Variants in ADAM10 observed in about 807,000 individuals in gnomAD.
ADAM10 encodes disintegrin and metalloproteinase domain-containing protein 10.
Under a neutral mutation model 90.1 loss-of-function variants are expected in ADAM10, and 17 were observed. That is an observed-to-expected ratio of 0.19 (90% CI 0.13 to 0.28). ADAM10 has a LOEUF of 0.28. Among genes scored for constraint, ADAM10 ranks in the 10% least tolerant of loss-of-function variants. The pLI, the probability that ADAM10 is intolerant of heterozygous loss-of-function variation, is 1.00. For synonymous variants in ADAM10, 310 were observed against 298.6 expected (o/e 1.04, Z -0.40); for missense variants, 610 against 914.3 (o/e 0.67, Z 4.29).
intron 4 of ADAM10, among the ~76,000 whole-genome samples, chr15:58,667,866 C>T (rs945272839): frequency 8.6e-5 from 13 of 151,826 alleles, no homozygotes; most frequent in African/African-American, 2.7e-4. Flanking sequence ...CTCCCGGGTA[C>T]CAATTCTCAT....
rs189512518 is a variant in ADAM10 at position 58,594,708 on chromosome 15, G to C, written c.*2839C>G. The C allele has an allele frequency of 6.6e-6, 1 of 151,938 alleles. No individual in the cohort carries two copies. The highest frequency in any genetic ancestry group is 6.6e-5 in the Admixed American group (1 of 15,244). The allele number at this position is 151,938 out of a possible 1,614,324, so 9.4% of individuals were successfully genotyped here. A position where few individuals can be genotyped will look rare whatever the true frequency, so the allele number is the denominator to read the frequency against. ...AGGGAGGGATGGAGGGAGAGAGGAC[G>C]GACTGTAAACAGAATTTAAGCATTC... On this transcript the variant is annotated 3_prime_UTR_variant, in exon 16 of 16. Transcript: ENST00000260408.
chr15:58,622,721 A>G (rs1895823207), intron 10 of ADAM10, among the ~76,000 whole-genome samples: 1 of 152,244 alleles, frequency 6.6e-6, no homozygotes, highest in African/African-American at 2.4e-5. Flanking sequence ...ATAATTTTAG[A>G]AAATTTCTTC....
intron 2 of ADAM10, chr15:58,686,623 C>CT (rs1392170276): frequency 2.3e-6 from 2 of 881,936 alleles, no homozygotes; most frequent in Non-Finnish European, 1.9e-6. Context: ...TCTGAAGACT[C>CT]TAAGAGAGAA....
chr15:58,599,330 A>C (rs1358222511), intron 15 of ADAM10, among the ~76,000 whole-genome samples: 1 of 151,988 alleles, frequency 6.6e-6, no homozygotes, highest in African/African-American at 2.4e-5. Context: ...AAAAAAAAAA[A>C]ACAAGAAAAC....
intron 7 of ADAM10, 91 bp from the exon 8 acceptor site, chr15:58,641,051 C>T: frequency 8.3e-7 from 1 of 1,205,562 alleles, no homozygotes; most frequent in Non-Finnish European, 1.2e-6. Context: ...TACACCTGGA[C>T]AATATGCTCC....
chr15:58,688,766 T>TA (rs1555418241), intron 2 of ADAM10, among the ~76,000 whole-genome samples: 10 of 121,894 alleles, frequency 8.2e-5, no homozygotes, highest in Non-Finnish European at 1.3e-4. Context: ...AAAAAAAAAA[T>TA]TATATATATA....
At position 58,739,623 on chromosome 15, in the gene ADAM10, T is replaced by A. The variant is rs1398594253; in HGVS notation, c.55+9857A>T. Among the ~76,000 whole-genome samples, 2 of 152,252 alleles carry A rather than the reference T, an allele frequency of 1.3e-5. 1 individual carries two copies. The highest frequency in any genetic ancestry group is 1.3e-4 in the Admixed American group (2 of 15,292). On this transcript the variant is annotated intron_variant, in intron 1 of 15. Coordinates refer to ENST00000260408, the MANE Select transcript of ADAM10 (RefSeq NM_001110.4). The stretch of plus-strand genomic sequence containing the variant: ...TGATTTCCGAACCAATTTATAAGCA[T>A]CAGTGCCAATCCATCTCCAAAGCTG...
chr15:58,684,326 T>G (rs1292932324), intron 2 of ADAM10, among the ~76,000 whole-genome samples: 1 of 152,204 alleles, frequency 6.6e-6, no homozygotes, highest in African/African-American at 2.4e-5. Flanking sequence ...TCATTCATAA[T>G]GAGTCTGTTT....
At position 58,597,587 on chromosome 15, in the gene ADAM10, C is replaced by G. The variant is rs1296591988; in HGVS notation, c.2207G>C (p.Arg736Pro). 2 of 1,613,904 alleles carry G rather than the reference C, an allele frequency of 1.2e-6. 1 individual carries two copies. Among genetic ancestry groups the G allele is most frequent in the Admixed American group, 3.3e-5 (2 of 59,982 alleles). Residue 736 changes from arginine to proline, a missense_variant, in exon 16 of 16, where the codon CGG (arginine) becomes CCG (proline). Arg to Pro is a moderately radical substitution (Grantham distance 103). Coordinates refer to ENST00000260408, the MANE Select transcript of ADAM10 (RefSeq NM_001110.4). The part of the protein sequence containing the change: ...PQPIQQPQRQ[R>P]PRESYQMGHM... ...TCCCATTTGATAACTCTCTCGGGGC[C>G]GCTGACGCTGGGGTTGCTGAATGGG...
At chr15:58,682,029 T>C (rs1248088317) in intron 3 of ADAM10, among the ~76,000 whole-genome samples, 167 bp downstream of exon 3, 3 of 152,156 alleles carry the variant, frequency 2.0e-5, no homozygotes, top group Non-Finnish European at 2.9e-5. Flanking sequence ...CATGTAAAGA[T>C]AGGTCCAAAC....
At chr15:58,602,556 A>C (rs182839534) in intron 14 of ADAM10, among the ~76,000 whole-genome samples, 1 of 152,316 alleles carries the variant, frequency 6.6e-6, no homozygotes, top group East Asian at 1.9e-4. Context: ...GGCTTTAGGA[A>C]TTAACTGCTT....
Position 58,633,430 on chromosome 15 carries a change from A to G in ADAM10, c.1013-71T>C, listed in dbSNP as rs1896156135. 2.4e-6 allele frequency: 3 copies of G among 1,265,890 alleles called. No homozygotes were observed. The African/African-American group carries it at 4.5e-5, about 19-fold the overall frequency. 78.4% of individuals were successfully genotyped at this position (1,265,890 alleles called of 1,614,324 possible). A position where few individuals can be genotyped will look rare whatever the true frequency, so the allele number is the denominator to read the frequency against. ...TACCCCCAAAAAGGTAATACATGCTATATTAAATGAAAACATTTTATATTT... is the reference window on the plus strand; with the variant it reads ...TACCCCCAAAAAGGTAATACATGCTGTATTAAATGAAAACATTTTATATTT... On this transcript the variant is annotated intron_variant, in intron 8 of 15. Transcript: ENST00000260408.
In ADAM10 at chr15:58,594,176, G is replaced by A. The variant is rs1196684294; in HGVS notation, c.*3371C>T. On this transcript the variant is annotated 3_prime_UTR_variant, in exon 16 of 16. Coordinates refer to ENST00000260408, the MANE Select transcript of ADAM10 (RefSeq NM_001110.4). ...TAAAACTACATCTGGCTTGCACCCT[G>A]GTTTTGGGAAACCTTGACCCTTTAA... 6.6e-6 allele frequency: 1 copy of A among 152,140 alleles called. No homozygotes were observed. Among genetic ancestry groups the A allele is most frequent in the Non-Finnish European group, 1.5e-5 (1 of 68,024 alleles). The allele number at this position is 152,140 out of a possible 1,614,324, so 9.4% of individuals were successfully genotyped here. A position where few individuals can be genotyped will look rare whatever the true frequency, so the allele number is the denominator to read the frequency against.
intron 11 of ADAM10, 51 bp from the exon 12 acceptor site, chr15:58,612,042 AT>A (rs1895454280): frequency 6.6e-7 from 1 of 1,506,418 alleles, no homozygotes; most frequent in Non-Finnish European, 9.2e-7. Flanking sequence ...GTTATTCCCT[AT>A]ATACTATTAG....
Position 58,588,925 on chromosome 15 carries a change from TGGTC to T in ADAM10, c.*8618_*8621del, listed in dbSNP as rs1174605992. On this transcript the variant is annotated 3_prime_UTR_variant, in exon 16 of 16. Transcript: ENST00000260408. ...ATGCCTTTCCCATTTTTGCAAAACA[TGGTC>T]GGTATGTTTCATATTCTATAAATAC... is the stretch of plus-strand genomic sequence containing the variant. 1 of 152,196 alleles carries T rather than the reference TGGTC, an allele frequency of 6.6e-6. No individual in the cohort carries two copies. The highest frequency in any genetic ancestry group is 1.9e-4 in the East Asian group (1 of 5,204). The allele number at this position is 152,196 out of a possible 1,614,324, so 9.4% of individuals were successfully genotyped here. A position where few individuals can be genotyped will look rare whatever the true frequency, so the allele number is the denominator to read the frequency against.
intron 11 of ADAM10, among the ~76,000 whole-genome samples, chr15:58,620,552 C>T (rs1273589520): frequency 6.6e-6 from 1 of 151,520 alleles, no homozygotes; most frequent in Non-Finnish European, 1.5e-5. Flanking sequence ...TTATAACTTG[C>T]CAAGTTAGAA....
intron 10 of ADAM10, among the ~76,000 whole-genome samples, chr15:58,623,767 A>T (rs1024478078): frequency 3.3e-5 from 5 of 152,146 alleles, no homozygotes; most frequent in African/African-American, 1.2e-4. Flanking sequence ...GAACAATGAG[A>T]GCACATGCAC....
chr15:58,730,268 C>T (rs1342799176), intron 1 of ADAM10, among the ~76,000 whole-genome samples: 2 of 152,198 alleles, frequency 1.3e-5, no homozygotes, highest in Non-Finnish European at 2.9e-5. Flanking sequence ...AGGCAATATA[C>T]TGAGTAGAAA....
chr15:58,740,537 T>C lies in ADAM10; in HGVS notation c.55+8943A>G, dbSNP rs577448502. ...AGTGTCTGCTTTGCATACTTATGCGTTTTAACTACACTTTACATTTTTCTT... is the reference window on the plus strand; with the variant it reads ...AGTGTCTGCTTTGCATACTTATGCGCTTTAACTACACTTTACATTTTTCTT... On this transcript the variant is annotated intron_variant, in intron 1 of 15. Transcript: ENST00000260408. Among the ~76,000 whole-genome samples the C allele has an allele frequency of 7.2e-5, 11 of 152,314 alleles. 1 individual carries two copies. The South Asian group carries it at 2.3e-3, about 32-fold the overall frequency.
Sources: allele counts gnomAD v4.1 joint callset (sites outside exome capture counted in the v4.1 genomes callset), GRCh38; gene constraint gnomAD v4.1.1; transcripts MANE v1.5; gene names NCBI Gene and HGNC (gene_info 2026-07-23, HGNC 2026-07-21).